Variants in XPNPEP1 observed in about 807,000 individuals in gnomAD.
XPNPEP1 encodes X-prolyl aminopeptidase 1.
In XPNPEP1, 39 loss-of-function variants were observed where a neutral mutation model predicts 92.4. That is an observed-to-expected ratio of 0.42 (90% CI 0.33 to 0.55). The LOEUF (loss-of-function observed/expected upper bound fraction) is 0.55. XPNPEP1 is among the 20% of genes least tolerant of loss of function. The pLI is 0.08. For synonymous variants in XPNPEP1, 307 were observed against 299.4 expected (o/e 1.03, Z -0.26); for missense variants, 654 against 856.1 (o/e 0.76, Z 2.95).
At chr10:109,891,344 C>T (rs535388075) in intron 5 of XPNPEP1, 1 of 158,872 alleles carries the variant, frequency 6.3e-6, no homozygotes, top group East Asian at 1.8e-4. Context: ...GAGAGAGCCT[C>T]AGGGGAAAGC....
chr10:109,893,025 G>A lies in XPNPEP1; in HGVS notation c.297C>T (p.Phe99=), dbSNP rs768527586. ...GTAGTGACTCACCCGCAGAGCCATC[G>A]AATCCAGAGACAAAAGCCCGCCGAC... ...CDCRRAFVSG[F]DGSAGTAIIT... Residue 99 remains phenylalanine, a synonymous_variant, in exon 4 of 21, where the codon TTC becomes TTT. Coordinates refer to ENST00000502935, the MANE Select transcript of XPNPEP1 (RefSeq NM_020383.4). The A allele has an allele frequency of 5.6e-6, 9 of 1,613,636 alleles. No homozygotes were observed. Among genetic ancestry groups the A allele is most frequent in the East Asian group, 4.5e-5 (2 of 44,890 alleles).
Position 109,867,778 on chromosome 10 carries a change from A to G in XPNPEP1, c.1872+836T>C, listed in dbSNP as rs1835559777. Among the ~76,000 whole-genome samples the G allele has an allele frequency of 1.3e-5, 2 of 152,076 alleles. 1 individual carries two copies. Among genetic ancestry groups the G allele is most frequent in the South Asian group, 4.2e-4 (2 of 4,818 alleles). ...GCTTACCCTGCCTTCGGCTCCCACC[A>G]GTCATTTGCTTTTCATTGGAACTTC... On this transcript the variant is annotated intron_variant, in intron 20 of 20. Transcript: ENST00000502935. The surrounding 1 kb of genome is among the most constrained non-coding windows in gnomAD (Gnocchi z 4.5).
At chr10:109,900,908 T>C (rs1237764556) in intron 3 of XPNPEP1, among the ~76,000 whole-genome samples, 2 of 152,214 alleles carry the variant, frequency 1.3e-5, no homozygotes, top group African/African-American at 2.4e-5. Flanking sequence ...TTTCTTACCA[T>C]TTGATCCAGC....
intron 3 of XPNPEP1, among the ~76,000 whole-genome samples, chr10:109,907,056 G>A (rs146984759): frequency 1.4e-4 from 22 of 152,310 alleles, no homozygotes; most frequent in Admixed American, 2.6e-4. Flanking sequence ...TCTATATCAT[G>A]TCTAATACCT....
At chr10:109,919,885 A>G (rs1370109235) in intron 1 of XPNPEP1, among the ~76,000 whole-genome samples, 1 of 152,156 alleles carries the variant, frequency 6.6e-6, no homozygotes, top group African/African-American at 2.4e-5. Context: ...TACAAAAATT[A>G]GCTGGGTGTG....
intron 5 of XPNPEP1, among the ~76,000 whole-genome samples, chr10:109,888,830 GA>G (rs1848549185): frequency 6.6e-6 from 1 of 152,044 alleles, no homozygotes; most frequent in Non-Finnish European, 1.5e-5. Flanking sequence ...AGACAGAAGG[GA>G]AAAAAGTATG....
chr10:109,866,607 C>G (rs1267005417), intron 20 of XPNPEP1, among the ~76,000 whole-genome samples: 4 of 151,914 alleles, frequency 2.6e-5, no homozygotes, highest in Non-Finnish European at 5.9e-5. Flanking sequence ...CTCGGTGGAG[C>G]CTGAGGAGCA....
chr10:109,903,213 C>T (rs1849378041), intron 3 of XPNPEP1, among the ~76,000 whole-genome samples: 1 of 152,208 alleles, frequency 6.6e-6, no homozygotes, highest in African/African-American at 2.4e-5. Flanking sequence ...TTCCAACACA[C>T]CCTTAACCAG....
Position 109,905,652 on chromosome 10 carries a change from G to C in XPNPEP1, c.246+2039C>G, listed in dbSNP as rs549833366. 3.4e-3 allele frequency among the ~76,000 whole-genome samples: 524 copies of C among 152,280 alleles called. 3 individuals carry two copies. Among genetic ancestry groups the C allele is most frequent in the Non-Finnish European group, 5.1e-3 (345 of 68,016 alleles). ...CTAGAGATCTGTTGCACAACAATAT[G>C]TGCATGTAGTTAACACTACAGTATT... On this transcript the variant is annotated intron_variant, in intron 3 of 20. Coordinates refer to ENST00000502935, the MANE Select transcript of XPNPEP1 (RefSeq NM_020383.4).
In XPNPEP1 at chr10:109,888,263, A is replaced by G. The variant is rs1261249907; in HGVS notation, c.509-71T>C. Reference sequence around the variant, plus strand: ...CAGCAGGGCAGGGAGCAGGGCCTTGAAAGTCCAGAACCTTCAGAAAGGTGG... The same window carrying G: ...CAGCAGGGCAGGGAGCAGGGCCTTGGAAGTCCAGAACCTTCAGAAAGGTGG... On this transcript the variant is annotated intron_variant, in intron 6 of 20. Transcript: ENST00000502935. 5.8e-6 allele frequency: 9 copies of G among 1,555,810 alleles called. No homozygotes were observed. The East Asian group carries it at 1.6e-4, about 27-fold the overall frequency.
chr10:109,913,407 C>T (rs1044482588), intron 2 of XPNPEP1, among the ~76,000 whole-genome samples: 1 of 152,186 alleles, frequency 6.6e-6, no homozygotes, highest in African/African-American at 2.4e-5. Context: ...ATGGAAGGGG[C>T]CAGTTTACTC....
intron 3 of XPNPEP1, among the ~76,000 whole-genome samples, chr10:109,906,376 T>G (rs1849561016): frequency 6.6e-6 from 1 of 152,196 alleles, no homozygotes. Context: ...TTGTCAGGTT[T>G]ATATGACCCA....
chr10:109,880,688 T>C (rs1281932319), intron 11 of XPNPEP1, among the ~76,000 whole-genome samples, 154 bp downstream of exon 11: 1 of 152,218 alleles, frequency 6.6e-6, no homozygotes, highest in Non-Finnish European at 1.5e-5. Context: ...AAGTATTTTA[T>C]TTCATTCCCT....
chr10:109,889,346 G>C (rs1164716815), intron 5 of XPNPEP1, among the ~76,000 whole-genome samples: 1 of 152,152 alleles, frequency 6.6e-6, no homozygotes, highest in Non-Finnish European at 1.5e-5. Context: ...GGGATTACAG[G>C]CTCAAAATTA....
In XPNPEP1 at chr10:109,868,716, C is replaced by T. The variant is rs148888527; in HGVS notation, c.1774-4G>A. 621 of 1,612,460 alleles carry T rather than the reference C, an allele frequency of 3.9e-4. 2 individuals are homozygous for T. In the African/African-American group the frequency reaches 7.6e-3, roughly 20 times the overall value. ...TTCCCCGGTTATTAAAATTATACTG[C>T]GGGAGAAAGAAGAAAACAGATGCTT... On this transcript the variant is annotated splice_polypyrimidine_tract_variant and splice_region_variant and intron_variant, in intron 19 of 20. Transcript: ENST00000502935.
intron 3 of XPNPEP1, among the ~76,000 whole-genome samples, chr10:109,904,464 C>T (rs1447967005): frequency 6.6e-6 from 1 of 152,010 alleles, no homozygotes; most frequent in Admixed American, 6.6e-5. Flanking sequence ...ACACTAGAGT[C>T]TCCCACCCCG....
chr10:109,923,005 T>C (rs1305571215), intron 1 of XPNPEP1, among the ~76,000 whole-genome samples: 3 of 152,142 alleles, frequency 2.0e-5, no homozygotes, highest in African/African-American at 7.2e-5. Context: ...TTTAGATTCC[T>C]GGGTAACAGA....
chr10:109,868,321 G>A (rs1396195975), intron 20 of XPNPEP1, among the ~76,000 whole-genome samples: 2 of 151,748 alleles, frequency 1.3e-5, no homozygotes, highest in Non-Finnish European at 2.9e-5. Flanking sequence ...AGCTATGGAG[G>A]AATAGTACAG....
At chr10:109,887,929 G>T (rs1048905780) in intron 7 of XPNPEP1, 120 bp downstream of exon 7, 10 of 1,422,762 alleles carry the variant, frequency 7.0e-6, no homozygotes, top group Middle Eastern at 5.1e-4. Flanking sequence ...GGGCAGAGTA[G>T]GGCAAAATCC....
Sources: allele counts gnomAD v4.1 joint callset (sites outside exome capture counted in the v4.1 genomes callset), GRCh38; gene constraint gnomAD v4.1.1; non-coding constraint Gnocchi (gnomAD v3.1); transcripts MANE v1.5; gene names NCBI Gene and HGNC (gene_info 2026-07-23, HGNC 2026-07-21).